Variants in LRRTM4 observed in about 807,000 individuals in gnomAD.
The protein encoded by LRRTM4 is leucine-rich repeat transmembrane neuronal protein 4.
In LRRTM4, 25 loss-of-function variants were observed where a neutral mutation model predicts 47.6. The ratio of observed to expected loss-of-function variants is 0.53; its 90% CI spans 0.38 to 0.73. LRRTM4 has a LOEUF of 0.73. Ranked by LOEUF, LRRTM4 falls within the 30% of genes least tolerant of loss-of-function variation. The pLI is 0.00. For missense variants in LRRTM4, 638 were observed against 713.4 expected, an observed-to-expected ratio of 0.89 and a Z score of 1.20; for synonymous variants, 311 against 269.5, an observed-to-expected ratio of 1.15 and a Z score of -1.51.
intron 3 of LRRTM4, among the ~76,000 whole-genome samples, chr2:77,483,797 G>A (rs1398896316): frequency 6.6e-6 from 1 of 152,110 alleles, no homozygotes. Flanking sequence ...CTACCTATTA[G>A]ATTTTACTGC....
chr2:77,011,062 C>T (rs899806212), intron 3 of LRRTM4, among the ~76,000 whole-genome samples: 1 of 151,836 alleles, frequency 6.6e-6, no homozygotes, highest in Non-Finnish European at 1.5e-5. Context: ...TATGAGTAGC[C>T]CACAAGAGCC....
At chr2:76,841,369 T>C (rs1671676902) in intron 3 of LRRTM4, among the ~76,000 whole-genome samples, 1 of 151,888 alleles carries the variant, frequency 6.6e-6, no homozygotes, top group African/African-American at 2.4e-5. Context: ...GGCACATGTA[T>C]ACATATGTAA....
intron 3 of LRRTM4, among the ~76,000 whole-genome samples, chr2:77,018,971 C>T (rs1678170879): frequency 6.6e-6 from 1 of 151,670 alleles, no homozygotes; most frequent in South Asian, 2.1e-4. Flanking sequence ...TCATTTAGCC[C>T]ATTACTTCAG....
In LRRTM4 at chr2:77,398,624, TTTTA is replaced by T. The variant is rs1673800968; in HGVS notation, c.1551+119690_1551+119693del. ...GTGAAATTATTTTAGAACAGTTTTG[TTTTA>T]TTTATTAATTTATTCATTTTTAAGT... On this transcript the variant is annotated intron_variant, in intron 3 of 3. Transcript: ENST00000409884. 2.6e-5 allele frequency among the ~76,000 whole-genome samples: 4 copies of T among 151,832 alleles called. No homozygotes were observed. The South Asian group carries it at 8.3e-4, about 31-fold the overall frequency.
chr2:77,408,828 T>G, intron 3 of LRRTM4, among the ~76,000 whole-genome samples: 1 of 152,230 alleles, frequency 6.6e-6, no homozygotes, highest in African/African-American at 2.4e-5. Flanking sequence ...GGTATTATAA[T>G]ATCTGTTTCA....
At chr2:76,948,148 T>A (rs993477507) in intron 3 of LRRTM4, among the ~76,000 whole-genome samples, 3 of 146,694 alleles carry the variant, frequency 2.0e-5, no homozygotes, top group Non-Finnish European at 4.5e-5. Flanking sequence ...CATCACCAAG[T>A]GGAAAGTCTA....
intron 3 of LRRTM4, among the ~76,000 whole-genome samples, chr2:76,842,840 A>G (rs899242398): frequency 1.3e-5 from 2 of 152,194 alleles, no homozygotes; most frequent in Non-Finnish European, 2.9e-5. Context: ...ACCATTGTCT[A>G]TAACCTCCAA....
intron 3 of LRRTM4, among the ~76,000 whole-genome samples, chr2:76,934,507 G>T (rs563807899): frequency 6.6e-6 from 1 of 152,242 alleles, no homozygotes; most frequent in East Asian, 1.9e-4. Context: ...TCAATTTAAT[G>T]GTGTGCTGGT....
intron 3 of LRRTM4, among the ~76,000 whole-genome samples, chr2:77,169,029 C>T (rs888365219): frequency 1.3e-5 from 2 of 152,006 alleles, no homozygotes; most frequent in East Asian, 1.9e-4. Context: ...ATTCAATATC[C>T]TTTTATGATA....
intron 2 of LRRTM4, among the ~76,000 whole-genome samples, chr2:77,520,978 A>C (rs1460494906): frequency 2.0e-5 from 3 of 152,046 alleles, no homozygotes; most frequent in Non-Finnish European, 4.4e-5. Flanking sequence ...TTTTTAACCA[A>C]GAGGCAATCA....
chr2:76,793,788 A>C (rs1040890755), intron 3 of LRRTM4, among the ~76,000 whole-genome samples: 14 of 152,166 alleles, frequency 9.2e-5, no homozygotes, highest in African/African-American at 3.4e-4. Context: ...CAGGAGGCAA[A>C]GTGCTGATTT....
At chr2:77,089,513 C>CA (rs1323240994) in intron 3 of LRRTM4, among the ~76,000 whole-genome samples, 6 of 151,774 alleles carry the variant, frequency 4.0e-5, no homozygotes, top group Non-Finnish European at 7.4e-5. Flanking sequence ...TATTTCCATG[C>CA]CCTGACCTCT....
chr2:77,472,452 C>T (rs577318034), intron 3 of LRRTM4, among the ~76,000 whole-genome samples: 3 of 152,054 alleles, frequency 2.0e-5, no homozygotes, highest in Non-Finnish European at 2.9e-5. Flanking sequence ...ATAGGATGTG[C>T]TAATTCAGTG....
At chr2:77,032,241 A>G (rs1678685915) in intron 3 of LRRTM4, among the ~76,000 whole-genome samples, 1 of 152,098 alleles carries the variant, frequency 6.6e-6, no homozygotes. Flanking sequence ...AATTCCCTCA[A>G]GTTGTTACGT....
At chr2:76,910,042 A>C (rs1028020721) in intron 3 of LRRTM4, among the ~76,000 whole-genome samples, 12 of 152,106 alleles carry the variant, frequency 7.9e-5, no homozygotes, top group African/African-American at 1.9e-4. Context: ...AAGACACATG[A>C]ACACGTATGT....
intron 3 of LRRTM4, among the ~76,000 whole-genome samples, chr2:76,789,224 T>A (rs1030130421): frequency 6.6e-6 from 1 of 152,132 alleles, no homozygotes; most frequent in Non-Finnish European, 1.5e-5. Context: ...CAAGGCACCT[T>A]ATGTGCTAGC....
At chr2:76,988,137 A>G (rs575706604) in intron 3 of LRRTM4, among the ~76,000 whole-genome samples, 67 of 151,768 alleles carry the variant, frequency 4.4e-4, no homozygotes, top group African/African-American at 1.4e-3. Flanking sequence ...AATCATTACT[A>G]TGGGTTTTCT....
rs1287299952 is a variant in LRRTM4 at position 77,313,464 on chromosome 2, CTGTG to C, written c.1551+204850_1551+204853del. On this transcript the variant is annotated intron_variant, in intron 3 of 3. Coordinates refer to ENST00000409884, the MANE Select transcript of LRRTM4 (RefSeq NM_001134745.3). The stretch of plus-strand genomic sequence containing the variant: ...CCTACGTTTTCCTGTAATCCTGTTG[CTGTG>C]ATGTACCTCCCTATGTTTTCCTGGG... Among the ~76,000 whole-genome samples the C allele has an allele frequency of 1.5e-4, 17 of 111,676 alleles. No individual in the cohort carries two copies. The South Asian group carries it at 4.0e-3, about 26-fold the overall frequency. 73.3% of individuals were successfully genotyped at this position (111,676 alleles called of 152,430 possible).
chr2:77,155,674 G>T (rs138307189), intron 3 of LRRTM4, among the ~76,000 whole-genome samples: 2 of 152,118 alleles, frequency 1.3e-5, no homozygotes, highest in Non-Finnish European at 2.9e-5. Context: ...ATCAAAGAGA[G>T]CACCAAAGTG....
Sources: allele counts gnomAD v4.1 joint callset (sites outside exome capture counted in the v4.1 genomes callset), GRCh38; gene constraint gnomAD v4.1.1; transcripts MANE v1.5; gene names NCBI Gene and HGNC (gene_info 2026-07-23, HGNC 2026-07-21).